ABCA7: variants seen among roughly 807,000 people sequenced by gnomAD.
The protein encoded by ABCA7 is phospholipid-transporting ATPase ABCA7.
In ABCA7, 261 loss-of-function variants were observed where a neutral mutation model predicts 227.6. The ratio of observed to expected loss-of-function variants is 1.15; its 90% confidence interval spans 1.04 to 1.27. ABCA7 has a LOEUF of 1.27. Among genes scored for constraint, ABCA7 ranks in the 50% most tolerant of loss-of-function variants. ABCA7 has a pLI of 0.00. For synonymous variants in ABCA7, 1,488 were observed against 1,279.7 expected (o/e 1.16, Z -3.47); for missense variants, 3,331 against 2,924.5 (o/e 1.14, Z -3.21).
At chr19:1,062,057 C>T (rs2042691512) in intron 41 of ABCA7, 115 bp from the exon 42 acceptor site, 2 of 1,514,454 alleles carry the variant, frequency 1.3e-6, no homozygotes, top group Admixed American at 3.7e-5. Flanking sequence ...CCCTGAGACA[C>T]CCCTGTCCCT....
rs374944865 is a variant in ABCA7 at position 1,049,317 on chromosome 19, G to T, written c.2432G>T (p.Ser811Ile). Residue 811 changes from serine to isoleucine, a missense_variant, in exon 18 of 47, where the codon AGC becomes ATC. By Grantham distance (142) the Ser-to-Ile change is moderately radical. Coordinates refer to ENST00000263094, the MANE Select transcript of ABCA7 (RefSeq NM_019112.4). ...PGLSPGVSVR[S>I]LEKRFPGSPQ... is the part of the protein sequence containing the mutation. Reference sequence around the variant, plus strand: ...CTGAGTCCTGGCGTCTCCGTTCGCAGCCTGGAGAAGCGCTTTCCTGGAAGC... The same window carrying T: ...CTGAGTCCTGGCGTCTCCGTTCGCATCCTGGAGAAGCGCTTTCCTGGAAGC... 25 of 1,611,384 alleles carry T rather than the reference G, an allele frequency of 1.6e-5. No homozygotes were observed. The highest frequency in any genetic ancestry group is 1.4e-5 in the Non-Finnish European group (16 of 1,179,186).
chr19:1,065,385 A>G lies in ABCA7; in HGVS notation c.6401A>G (p.Gln2134Arg), dbSNP rs368459947. The change falls in exon 47 of 47, where the codon CAG (glutamine) becomes CGG (arginine). Residue 2134 changes from glutamine (Q) to arginine (R), a missense_variant. Coordinates refer to ENST00000263094, the MANE Select transcript of ABCA7 (RefSeq NM_019112.4). The part of the protein sequence containing the change: ...PGLQHPKRVS[Q>R]FLDDPSTAET... ...CTGCAGCACCCCAAACGCGTCAGCC[A>G]GTTCCTCGATGACCCTAGCACTGCC... is the stretch of plus-strand genomic sequence containing the variant. 22 of 1,613,464 alleles carry G rather than the reference A, an allele frequency of 1.4e-5. No individual in the cohort carries two copies. In the African/African-American group the frequency reaches 2.1e-4, roughly 16 times the overall value.
Position 1,065,048 on chromosome 19 carries a change from C to T in ABCA7, c.6162C>T (p.Arg2054=), listed in dbSNP as rs780447811. Residue 2054 remains arginine (R), a synonymous_variant, in exon 46 of 47, where the codon CGC becomes CGT. Coordinates refer to ENST00000263094, the MANE Select transcript of ABCA7 (RefSeq NM_019112.4). ...GAELREAHGG[R]LRFQLPPGGR... ...AGCTGCGCGAGGCACATGGAGGCCGCCTGCGCTTCCAGCTGCCGCCGGGAG... is the reference window on the plus strand; with the variant it reads ...AGCTGCGCGAGGCACATGGAGGCCGTCTGCGCTTCCAGCTGCCGCCGGGAG... 6.4e-7 allele frequency: 1 copy of T among 1,558,374 alleles called. No individual in the cohort carries two copies. The highest frequency in any genetic ancestry group is 1.9e-5 in the Admixed American group (1 of 52,682).
intron 40 of ABCA7, among the ~76,000 whole-genome samples, chr19:1,060,298 G>A (rs984943326): frequency 2.8e-4 from 42 of 150,782 alleles, no homozygotes; most frequent in African/African-American, 9.1e-4. Context: ...GGTAACCTCC[G>A]CCTCCCAGGT....
intron 42 of ABCA7, 28 bp from the exon 43 acceptor site, chr19:1,063,516 C>T: frequency 3.1e-6 from 5 of 1,607,378 alleles, no homozygotes; most frequent in Non-Finnish European, 4.2e-6. Context: ...ATATGAGTCC[C>T]CATGCCTACT....
Position 1,052,072 on chromosome 19 carries a change from C to T in ABCA7, c.3093C>T (p.Ser1031=), listed in dbSNP as rs139447165. The T allele has an allele frequency of 7.1e-5, 114 of 1,612,336 alleles. No individual in the cohort carries two copies. Among genetic ancestry groups the T allele is most frequent in the East Asian group, 2.9e-4 (13 of 44,820 alleles). ...SPLFLRRHLG[S]GYYLTLVKAR... The stretch of plus-strand genomic sequence containing the variant: ...TCTTCCTGCGCCGTCACCTGGGCTC[C>T]GGCTACTACCTGACGCTGGTGAAGG... The change falls in exon 22 of 47, where the codon TCC becomes TCT. Residue 1031 remains serine (S), a synonymous_variant. Coordinates refer to ENST00000263094, the MANE Select transcript of ABCA7 (RefSeq NM_019112.4).
At chr19:1,042,665 G>C (rs1193394200) in intron 6 of ABCA7, 81 bp from the exon 7 acceptor site, 1 of 1,404,254 alleles carries the variant, frequency 7.1e-7, no homozygotes, top group Non-Finnish European at 1.0e-6. Context: ...TGATAGTATG[G>C]TCTGCCTGGG....
intron 40 of ABCA7, among the ~76,000 whole-genome samples, chr19:1,060,419 C>T (rs2042581837): frequency 6.6e-6 from 1 of 151,696 alleles, no homozygotes; most frequent in African/African-American, 2.4e-5. Context: ...CCATGTTGGC[C>T]AGGCTGGTCT....
At chr19:1,050,322 G>T (rs1244612737) in intron 18 of ABCA7, among the ~76,000 whole-genome samples, 3 of 151,970 alleles carry the variant, frequency 2.0e-5, no homozygotes, top group African/African-American at 7.2e-5. Context: ...TGAGGCAGGA[G>T]AACTGCTTGA....
chr19:1,046,780 A>C (rs1346278057), intron 13 of ABCA7, 22 bp from the exon 14 acceptor site: 1 of 1,532,288 alleles, frequency 6.5e-7, no homozygotes, highest in South Asian at 1.2e-5. Context: ...TCCAGCCTCC[A>C]CCCCAGCCGT....
At position 1,054,172 on chromosome 19, in the gene ABCA7, T is replaced by G. The variant is rs1009610593; in HGVS notation, c.3578-21T>G. The G allele has an allele frequency of 6.2e-6, 10 of 1,611,314 alleles. No homozygotes were observed. The African/African-American group carries it at 1.1e-4, about 17-fold the overall frequency. On this transcript the variant is annotated intron_variant, in intron 26 of 46. Transcript: ENST00000263094. This position sits in a 1 kb window ranked among gnomAD's most constrained non-coding sequence, Gnocchi z 4.8. ...CACCCCCCCACAGCAGCGTGAGCAC[T>G]GACCCTCTCATCCCTCACAGCTGGG...
At chr19:1,064,770 A>G (rs1349099848) in intron 45 of ABCA7, 161 bp from the exon 46 acceptor site, 2 of 1,193,384 alleles carry the variant, frequency 1.7e-6, no homozygotes, top group African/African-American at 1.8e-5. Context: ...GGTCTCAGCT[A>G]CGCGGGCGGG....
At position 1,041,591 on chromosome 19, in the gene ABCA7, G is replaced by T. The variant is rs1358480868; in HGVS notation, c.148G>T (p.Glu50Ter). The part of the protein sequence containing the change: ...VAVRHSHPPL[E>*]HHECHFPNKP... ...TGTTCGCCACTCCCACCCGCCCCTG[G>T]AGCACCATGAATGTGAGCCCCCCCA... Residue 50 changes from glutamate (E) to a stop codon, truncating the protein, a stop_gained, in exon 3 of 47, where the codon GAG (glutamate) becomes TAG (stop). Transcript: ENST00000263094. LOFTEE classifies it high-confidence loss of function. 1 of 1,612,174 alleles carries T rather than the reference G, an allele frequency of 6.2e-7. No homozygotes were observed. Among genetic ancestry groups the T allele is most frequent in the African/African-American group, 1.3e-5 (1 of 74,922 alleles).
chr19:1,046,944 G>A lies in ABCA7; in HGVS notation c.1765G>A (p.Ala589Thr), dbSNP rs766735311. The change falls in exon 14 of 47, where the codon GCG (alanine) becomes ACG (threonine). Residue 589 changes from alanine to threonine, a missense_variant. Coordinates refer to ENST00000263094, the MANE Select transcript of ABCA7 (RefSeq NM_019112.4). Reference sequence around the variant, plus strand: ...CATGCGCGCCATGGGGCTCAGCCGCGCGGTGCTCTGGCTAGGCTGGTTCCT... The same window carrying A: ...CATGCGCGCCATGGGGCTCAGCCGCACGGTGCTCTGGCTAGGCTGGTTCCT... ...DTMRAMGLSR[A>T]VLWLGWFLSC... The A allele has an allele frequency of 7.7e-6, 12 of 1,568,130 alleles. No individual in the cohort carries two copies. Among genetic ancestry groups the A allele is most frequent in the Non-Finnish European group, 1.0e-5 (12 of 1,165,362 alleles).
intron 42 of ABCA7, 49 bp from the exon 43 acceptor site, chr19:1,063,495 C>T: frequency 1.3e-6 from 2 of 1,598,578 alleles, no homozygotes; most frequent in Non-Finnish European, 1.7e-6. Context: ...GGCCCTGCCC[C>T]ATACTCATCA....
Position 1,042,153 on chromosome 19 carries a change from C to G in ABCA7, c.392C>G (p.Thr131Arg). 6.2e-7 allele frequency: 1 copy of G among 1,600,128 alleles called. No homozygotes were observed. Among genetic ancestry groups the G allele is most frequent in the African/African-American group, 1.3e-5 (1 of 75,016 alleles). Residue 131 changes from threonine to arginine, a missense_variant, in exon 5 of 47, where the codon ACG becomes AGG. By Grantham distance (71) the Thr-to-Arg change is moderately conservative (BLOSUM62 -1). Coordinates refer to ENST00000263094, the MANE Select transcript of ABCA7 (RefSeq NM_019112.4). Reference sequence around the variant, plus strand: ...GCTGGCCTAGGGAAGCTGATCGCCACGCTGAGGGCTGCACGCAGCACGGGT... The same window carrying G: ...GCTGGCCTAGGGAAGCTGATCGCCAGGCTGAGGGCTGCACGCAGCACGGGT... ...TLAGLGKLIATLRAARSTAQP... is the reference protein window; with the variant it reads ...TLAGLGKLIARLRAARSTAQP...
intron 11 of ABCA7, 71 bp from the exon 12 acceptor site, chr19:1,044,930 CA>C (rs1198473873): frequency 3.8e-6 from 6 of 1,562,652 alleles, no homozygotes; most frequent in Non-Finnish European, 5.2e-6. Flanking sequence ...CCCCGAGGTC[CA>C]GGGGGAGGAG....
At chr19:1,047,683 C>T (rs1417041940) in intron 16 of ABCA7, 29 bp downstream of exon 16, 5 of 1,547,894 alleles carry the variant, frequency 3.2e-6, no homozygotes, top group African/African-American at 2.7e-5. Context: ...GGCTCCGGGC[C>T]GGGTCGCACC....
Position 1,053,352 on chromosome 19 carries a change from G to T in ABCA7, c.3244G>T (p.Val1082Leu), listed in dbSNP as rs759948768. ...AGGCACTCCTCAGCTGCTGGCCCTG[G>T]TACAGCACTGGGTGCCCGGGGCACG... ...RVGTPQLLAL[V>L]QHWVPGARLV... The change falls in exon 24 of 47, where the codon GTA becomes TTA. Residue 1082 changes from valine to leucine, a missense_variant. By Grantham distance (32) the Val-to-Leu change is conservative (BLOSUM62 1). Coordinates refer to ENST00000263094, the MANE Select transcript of ABCA7 (RefSeq NM_019112.4). 1.2e-6 allele frequency: 2 copies of T among 1,609,608 alleles called. No individual in the cohort carries two copies. The highest frequency in any genetic ancestry group is 2.2e-4 in the Middle Eastern group (1 of 4,522).
Sources: allele counts gnomAD v4.1 joint callset (sites outside exome capture counted in the v4.1 genomes callset), GRCh38; gene constraint gnomAD v4.1.1; non-coding constraint Gnocchi (gnomAD v3.1); transcripts MANE v1.5; gene names NCBI Gene and HGNC (gene_info 2026-07-23, HGNC 2026-07-21).